The following PIAS2 variants were observed in gnomAD, a reference collection of about 807,000 sequenced individuals.
PIAS2 encodes the protein E3 SUMO-protein ligase PIAS2.
A neutral mutation model predicts 69.7 loss-of-function variants in PIAS2; 19 were observed. That is an observed-to-expected ratio of 0.27 (90% CI 0.19 to 0.40). PIAS2 has a LOEUF of 0.40. Among genes scored for constraint, PIAS2 ranks in the 10% least tolerant of loss-of-function variants. PIAS2 has a pLI of 1.00. For missense variants in PIAS2, 624 were observed against 757.0 expected, an observed-to-expected ratio of 0.82 and a Z score of 2.06; for synonymous variants, 261 against 263.2, an observed-to-expected ratio of 0.99 and a Z score of 0.08.
chr18:46,864,527 T>C (rs2049136755), intron 2 of PIAS2, among the ~76,000 whole-genome samples: 1 of 152,116 alleles, frequency 6.6e-6, no homozygotes, highest in Non-Finnish European at 1.5e-5. Context: ...TCCCAACACT[T>C]TGGGAAGCCA....
intron 9 of PIAS2, among the ~76,000 whole-genome samples, chr18:46,834,083 T>A (rs1380623168): frequency 2.6e-5 from 4 of 152,122 alleles, no homozygotes; most frequent in Non-Finnish European, 5.9e-5. Flanking sequence ...AGACCTAGTA[T>A]CTGACACATG....
chr18:46,859,448 A>T (rs966699637), intron 3 of PIAS2, among the ~76,000 whole-genome samples: 1 of 147,366 alleles, frequency 6.8e-6, no homozygotes, highest in Non-Finnish European at 1.5e-5. Context: ...AAAAAAAAAA[A>T]AAAAGAATCA....
At chr18:46,910,060 G>T (rs2146285166) in intron 1 of PIAS2, among the ~76,000 whole-genome samples, 1 of 152,226 alleles carries the variant, frequency 6.6e-6, no homozygotes, top group Admixed American at 6.5e-5. Context: ...GGAGGCTGAG[G>T]CAGTAAAATT....
chr18:46,851,745 T>C (rs967888158), intron 5 of PIAS2, among the ~76,000 whole-genome samples: 2 of 152,244 alleles, frequency 1.3e-5, no homozygotes, highest in Admixed American at 6.5e-5. Context: ...AGGGACACGT[T>C]GCCATTTTCA....
At chr18:46,856,439 G>C (rs1277905307) in intron 3 of PIAS2, among the ~76,000 whole-genome samples, 2 of 152,102 alleles carry the variant, frequency 1.3e-5, no homozygotes, top group Non-Finnish European at 2.9e-5. Flanking sequence ...TAGAGTCTCA[G>C]CATCTCCATA....
chr18:46,868,322 ATC>A (rs2049805257), intron 2 of PIAS2, among the ~76,000 whole-genome samples: 1 of 152,046 alleles, frequency 6.6e-6, no homozygotes, highest in Non-Finnish European at 1.5e-5. Context: ...GCCAGTCCCA[ATC>A]TGTAACTCAC....
At chr18:46,918,523 C>T (rs557178019), upstream of PIAS2, among the ~76,000 whole-genome samples, 83 of 152,228 alleles carry the variant, frequency 5.5e-4, no homozygotes, top group Admixed American at 4.1e-3. Flanking sequence ...GGCACGATCT[C>T]GGCTCACCGC....
intron 2 of PIAS2, among the ~76,000 whole-genome samples, chr18:46,877,298 T>C (rs1390065739): frequency 6.6e-6 from 1 of 152,226 alleles, no homozygotes; most frequent in Non-Finnish European, 1.5e-5. Flanking sequence ...AGAAGGGAAC[T>C]GTCAGATATG....
At chr18:46,869,480 A>T (rs535975863) in intron 2 of PIAS2, among the ~76,000 whole-genome samples, 8 of 152,262 alleles carry the variant, frequency 5.3e-5, no homozygotes, top group Non-Finnish European at 1.0e-4. Context: ...CTCTAATATA[A>T]GGAGGGACTG....
At position 46,810,543 on chromosome 18, in the gene PIAS2, G is replaced by C. The variant is rs745938010; in HGVS notation, c.*1890C>G. On this transcript the variant is annotated 3_prime_UTR_variant, in exon 14 of 14. Transcript: ENST00000585916. ...TCTAATGACTAAGAAGGTAAAACTG[G>C]CAACTATGTGCAACTACTGCTCGTA... 6.6e-6 allele frequency: 1 copy of C among 152,038 alleles called. No homozygotes were observed. The highest frequency in any genetic ancestry group is 1.5e-5 in the Non-Finnish European group (1 of 68,010). The allele number at this position is 152,038 out of a possible 1,614,324, so 9.4% of individuals were successfully genotyped here.
intron 2 of PIAS2, among the ~76,000 whole-genome samples, chr18:46,885,900 TTTTA>T (rs1401607097): frequency 6.6e-6 from 1 of 152,198 alleles, no homozygotes; most frequent in African/African-American, 2.4e-5. Context: ...ATATGAAAAG[TTTTA>T]TTTTAGTAAA....
intron 13 of PIAS2, 108 bp downstream of exon 13, chr18:46,815,200 TGTAA>T: frequency 1.3e-6 from 1 of 792,688 alleles, no homozygotes; most frequent in Non-Finnish European, 2.1e-6. Flanking sequence ...TTTCCATCAA[TGTAA>T]GTAATTCAGA....
chr18:46,880,076 T>C (rs958403906), intron 2 of PIAS2, among the ~76,000 whole-genome samples: 95 of 148,824 alleles, frequency 6.4e-4, no homozygotes, highest in African/African-American at 2.3e-3. Flanking sequence ...AGACAGTATG[T>C]ATTTTACCAC....
chr18:46,807,383 A>ATATATATTTT lies in PIAS2; in HGVS notation c.*5049_*5050insAAAATATATA, dbSNP rs869149927. The ATATATATTTT allele has an allele frequency of 8.6e-5, 1 of 11,598 alleles. No individual in the cohort carries two copies. The highest frequency in any genetic ancestry group is 5.4e-4 in the African/African-American group (1 of 1,844). The allele number at this position is 11,598 out of a possible 1,614,324, so 0.7% of individuals were successfully genotyped here. On this transcript the variant is annotated 3_prime_UTR_variant, in exon 14 of 14. Coordinates refer to ENST00000585916, the MANE Select transcript of PIAS2 (RefSeq NM_004671.5). ...TATATATATATATATATATATATAT[A>ATATATATTTT]TTTTTTTTTTTTTTTTTTTTTTTTT...
At chr18:46,844,883 T>C (rs753465319) in intron 6 of PIAS2, 44 bp from the exon 7 acceptor site, 3 of 745,950 alleles carry the variant, frequency 4.0e-6, no homozygotes, top group African/African-American at 3.7e-5. Flanking sequence ...TGAGAGATAA[T>C]ATTCTCTTTG....
rs1330315559 is a variant in PIAS2 at position 46,820,802 on chromosome 18, C to A, written c.1648+131G>T. 1.1e-5 allele frequency: 8 copies of A among 709,038 alleles called. No homozygotes were observed. The East Asian group carries it at 2.2e-4, about 20-fold the overall frequency. 43.9% of individuals were successfully genotyped at this position (709,038 alleles called of 1,614,324 possible). A position where few individuals can be genotyped will look rare whatever the true frequency, so the allele number is the denominator to read the frequency against. ...TGTGATGTATAAAAACAGATAAGAC[C>A]TTTACCCGAAGCTTTCAAATTTCCT... On this transcript the variant is annotated intron_variant, in intron 12 of 13. Transcript: ENST00000585916.
intron 2 of PIAS2, among the ~76,000 whole-genome samples, chr18:46,878,233 G>A (rs1391494072): frequency 1.3e-5 from 2 of 152,134 alleles, no homozygotes; most frequent in African/African-American, 4.8e-5. Flanking sequence ...GCCTTTTTAA[G>A]ATGGTTTTGT....
intron 2 of PIAS2, among the ~76,000 whole-genome samples, chr18:46,869,915 T>A (rs373277151): frequency 1.3e-5 from 2 of 151,998 alleles, no homozygotes; most frequent in African/African-American, 2.4e-5. Context: ...CTAAAAGCTA[T>A]AGGAAGTAAG....
chr18:46,871,523 A>G (rs2050356780), intron 2 of PIAS2, among the ~76,000 whole-genome samples: 1 of 152,230 alleles, frequency 6.6e-6, no homozygotes, highest in African/African-American at 2.4e-5. Context: ...TGGGAGAAGG[A>G]GAAAGAAGTC....
Sources: allele counts gnomAD v4.1 joint callset (sites outside exome capture counted in the v4.1 genomes callset), GRCh38; gene constraint gnomAD v4.1.1; transcripts MANE v1.5; gene names NCBI Gene and HGNC (gene_info 2026-07-23, HGNC 2026-07-21).